Variants in TIMM23B observed in about 807,000 individuals in gnomAD.
The protein encoded by TIMM23B is translocase of inner mitochondrial membrane 23 homolog B.
In TIMM23B, 27 loss-of-function variants were observed where a neutral mutation model predicts 27.3. That is an observed-to-expected ratio of 0.99 (90% confidence interval 0.73 to 1.36). The LOEUF is 1.36. Among genes scored for constraint, TIMM23B ranks in the 40% most tolerant of loss-of-function variants. TIMM23B has a pLI of 0.00. For missense variants in TIMM23B, 205 were observed against 244.2 expected, an observed-to-expected ratio of 0.84 and a Z score of 1.07; for synonymous variants, 73 against 92.4, an observed-to-expected ratio of 0.79 and a Z score of 1.21.
intron 6 of TIMM23B, among the ~76,000 whole-genome samples, chr10:49,963,393 A>C (rs1476216369): frequency 6.6e-6 from 1 of 152,178 alleles, no homozygotes; most frequent in South Asian, 2.1e-4. Flanking sequence ...AAATGATGAA[A>C]TGAATAATGA....
intron 2 of TIMM23B, among the ~76,000 whole-genome samples, chr10:49,947,105 A>G (rs1275382448): frequency 2.2e-4 from 33 of 152,356 alleles, no homozygotes; most frequent in Admixed American, 2.1e-3. Context: ...ACCCTGCACC[A>G]TATGCAAAAT....
chr10:49,943,110 T>C (rs1233946479), intron 1 of TIMM23B: 3 of 152,206 alleles, frequency 2.0e-5, no homozygotes, highest in African/African-American at 7.2e-5. Context: ...CAACGAAATA[T>C]GTTCAGACTG....
chr10:49,971,579 T>C (rs1840451472), intron 6 of TIMM23B, among the ~76,000 whole-genome samples: 1 of 152,228 alleles, frequency 6.6e-6, no homozygotes, highest in Non-Finnish European at 1.5e-5. Context: ...AACATTACAG[T>C]CTTTTCAGTG....
chr10:49,964,623 T>C (rs1223567152), intron 6 of TIMM23B, among the ~76,000 whole-genome samples: 32 of 140,258 alleles, frequency 2.3e-4, no homozygotes, highest in African/African-American at 7.9e-4. Flanking sequence ...TGAAATGAAA[T>C]GAAAAAATGA....
At chr10:49,944,944 A>G in intron 1 of TIMM23B, 88 bp from the exon 2 acceptor site, 1 of 1,537,210 alleles carries the variant, frequency 6.5e-7, no homozygotes, top group Non-Finnish European at 8.9e-7. Context: ...AAAATTGCAA[A>G]CACATGTAAC....
intron 1 of TIMM23B, 104 bp downstream of exon 1, chr10:49,942,404 G>A: frequency 3.2e-6 from 5 of 1,542,236 alleles, no homozygotes; most frequent in Non-Finnish European, 4.4e-6. Context: ...TTCCTTGCTG[G>A]CGTTTACAAG....
rs756518224 is a variant in TIMM23B at position 49,973,097 on chromosome 10, T to C, written c.*33T>C. ...TGTAGAGGTGTGTGTCAATCCCAAC[T>C]GGTGAAGTACTGAGAAGAAGCTACA... On this transcript the variant is annotated 3_prime_UTR_variant, in exon 7 of 7. Transcript: ENST00000651259. The C allele has an allele frequency of 3.0e-4, 454 of 1,529,266 alleles. 1 individual carries two copies. Among genetic ancestry groups the C allele is most frequent in the Non-Finnish European group, 3.8e-4 (430 of 1,143,120 alleles). 94.7% of individuals were successfully genotyped at this position (1,529,266 alleles called of 1,614,324 possible). A position where few individuals can be genotyped will look rare whatever the true frequency, so the allele number is the denominator to read the frequency against.
chr10:49,953,253 A>C (rs1356071880), intron 4 of TIMM23B, among the ~76,000 whole-genome samples: 1 of 152,096 alleles, frequency 6.6e-6, no homozygotes, highest in Non-Finnish European at 1.5e-5. Flanking sequence ...GTTTTAGGAC[A>C]CTTTAAACTC....
intron 1 of TIMM23B, among the ~76,000 whole-genome samples, chr10:49,944,371 C>T (rs1839289870): frequency 6.6e-6 from 1 of 151,924 alleles, no homozygotes; most frequent in Non-Finnish European, 1.5e-5. Context: ...AAGATAGAGG[C>T]ATGGGTGATG....
rs1203140515 is a variant in TIMM23B at position 49,962,391 on chromosome 10, C to T, written c.514+3911C>T. 3.9e-5 allele frequency among the ~76,000 whole-genome samples: 6 copies of T among 152,154 alleles called. No homozygotes were observed. In the South Asian group the frequency reaches 6.2e-4, roughly 16 times the overall value. On this transcript the variant is annotated intron_variant, in intron 6 of 6. Coordinates refer to ENST00000651259, the MANE Select transcript of TIMM23B (RefSeq NM_001290117.2). ...CTAATTTTTGTATTTTTAATAGAGT[C>T]GGGGTTTCACCATGTTGGCCAGGAT...
intron 5 of TIMM23B, among the ~76,000 whole-genome samples, chr10:49,957,923 T>G (rs1224109045): frequency 6.6e-6 from 1 of 152,226 alleles, no homozygotes; most frequent in Non-Finnish European, 1.5e-5. Flanking sequence ...GCAACATTTC[T>G]TCTTCCTGGG....
intron 6 of TIMM23B, among the ~76,000 whole-genome samples, chr10:49,967,090 T>G (rs1326668942): frequency 1.3e-5 from 2 of 152,122 alleles, no homozygotes; most frequent in Non-Finnish European, 2.9e-5. Context: ...TGGCTAATTT[T>G]TTTGTGTTTT....
chr10:49,952,550 C>T lies in TIMM23B; in HGVS notation c.344+17C>T, dbSNP rs1839568437. 10 of 1,612,446 alleles carry T rather than the reference C, an allele frequency of 6.2e-6. No individual in the cohort carries two copies. The highest frequency in any genetic ancestry group is 8.5e-6 in the Non-Finnish European group (10 of 1,179,124). On this transcript the variant is annotated intron_variant, in intron 4 of 6. Coordinates refer to ENST00000651259, the MANE Select transcript of TIMM23B (RefSeq NM_001290117.2). Reference sequence around the variant, plus strand: ...AAATGTACAGTAAGTCTCTTGTAACCATCTGATGTAGTGATACTTGAATAT... The same window carrying T: ...AAATGTACAGTAAGTCTCTTGTAACTATCTGATGTAGTGATACTTGAATAT...
chr10:49,942,364 C>G, intron 1 of TIMM23B, 64 bp downstream of exon 1: 1 of 1,560,680 alleles, frequency 6.4e-7, no homozygotes, highest in South Asian at 1.2e-5. Flanking sequence ...TAAAGTTGCG[C>G]GTCCCATGTT....
intron 5 of TIMM23B, among the ~76,000 whole-genome samples, chr10:49,957,167 A>G (rs1188637529): frequency 8.7e-4 from 132 of 151,650 alleles, no homozygotes; most frequent in African/African-American, 2.7e-3. Flanking sequence ...GTTTCCCACA[A>G]CCCCCTCTTT....
intron 6 of TIMM23B, among the ~76,000 whole-genome samples, chr10:49,966,051 C>G (rs1840133659): frequency 7.7e-6 from 1 of 130,400 alleles, no homozygotes; most frequent in African/African-American, 2.9e-5. Flanking sequence ...GAGCGAGTCT[C>G]TGTCTCGAAA....
chr10:49,953,544 C>T (rs1478870130), intron 4 of TIMM23B, among the ~76,000 whole-genome samples: 7 of 152,144 alleles, frequency 4.6e-5, no homozygotes, highest in Admixed American at 2.0e-4. Flanking sequence ...CGGGGTCTCA[C>T]TGTATTGCTC....
intron 4 of TIMM23B, 74 bp from the exon 5 acceptor site, chr10:49,954,928 C>A: frequency 1.3e-6 from 2 of 1,577,206 alleles, no homozygotes; most frequent in Non-Finnish European, 1.7e-6. Context: ...TGTTAAATAG[C>A]CATTATTGTT....
At chr10:49,965,476 C>T (rs540841450) in intron 6 of TIMM23B, among the ~76,000 whole-genome samples, 2,543 of 140,776 alleles carry the variant, frequency 0.018, 71 homozygotes, top group African/African-American at 0.058. Flanking sequence ...TGTGGTGGTG[C>T]ACTCCAGACT....
Sources: gnomAD v4.1 joint callset for allele counts (sites outside exome capture counted in the v4.1 genomes callset) on GRCh38, gnomAD v4.1.1 for gene constraint, MANE v1.5 for transcripts, NCBI Gene and HGNC (gene_info 2026-07-23, HGNC 2026-07-21) for gene names.